The following SPIDR variants were observed in gnomAD, a reference collection of about 807,000 sequenced individuals.
SPIDR encodes scaffold protein involved in DNA repair, also known as DNA repair-scaffolding protein.
SPIDR carries 93 observed loss-of-function variants against 104.6 expected under a neutral mutation model. That is an observed-to-expected ratio of 0.89 (90% CI 0.75 to 1.06). SPIDR has a LOEUF of 1.06. Ranked by LOEUF, SPIDR falls within the 50% of genes least tolerant of loss-of-function variation. The probability of loss-of-function intolerance (pLI) is 0.00; values close to 1 mark genes in which losing one functional copy is unlikely to be tolerated. For missense variants in SPIDR, 1,154 were observed against 1,111.2 expected (o/e 1.04, Z -0.55); for synonymous variants, 431 against 416.9 (o/e 1.03, Z -0.41).
chr8:47,342,562 C>G (rs781898057), intron 5 of SPIDR, among the ~76,000 whole-genome samples: 2 of 152,020 alleles, frequency 1.3e-5, no homozygotes, highest in Non-Finnish European at 2.9e-5. Context: ...GTTTCGAACT[C>G]TTGACCTCAG....
intron 8 of SPIDR, among the ~76,000 whole-genome samples, chr8:47,592,922 T>G (rs1243404735): frequency 3.3e-5 from 5 of 152,180 alleles, no homozygotes; most frequent in African/African-American, 1.2e-4. Context: ...GTTTTGCTTT[T>G]GTTGCCCGGG....
chr8:47,318,918 C>T (rs2045956720), intron 5 of SPIDR, among the ~76,000 whole-genome samples: 1 of 148,050 alleles, frequency 6.8e-6, no homozygotes, highest in Admixed American at 6.8e-5. Flanking sequence ...ACCACCAGGC[C>T]TGCCCTAAAA....
At chr8:47,610,995 G>T (rs2063530772) in intron 10 of SPIDR, among the ~76,000 whole-genome samples, 1 of 152,174 alleles carries the variant, frequency 6.6e-6, no homozygotes. Context: ...GAGGTCAGGG[G>T]CTGTGACTCA....
intron 5 of SPIDR, among the ~76,000 whole-genome samples, chr8:47,321,811 C>A (rs1351908911): frequency 2.0e-5 from 3 of 152,158 alleles, no homozygotes; most frequent in Non-Finnish European, 4.4e-5. Flanking sequence ...ACCATCTGAT[C>A]TTTGACAAAC....
chr8:47,694,770 G>T (rs1337603852), intron 11 of SPIDR, among the ~76,000 whole-genome samples: 1 of 151,832 alleles, frequency 6.6e-6, no homozygotes. Flanking sequence ...TATATTTGGG[G>T]TGTGTGTATG....
chr8:47,691,349 G>A (rs2078627398), intron 11 of SPIDR, among the ~76,000 whole-genome samples: 1 of 150,530 alleles, frequency 6.6e-6, no homozygotes, highest in African/African-American at 2.4e-5. Flanking sequence ...CTGAAATTCA[G>A]TGAACTTGCT....
At chr8:47,433,907 G>T (rs1554690635) in intron 7 of SPIDR, among the ~76,000 whole-genome samples, 1 of 114 alleles carries the variant, frequency 8.8e-3, no homozygotes, top group Admixed American at 0.071. Flanking sequence ...GTAGAGCAGG[G>T]TATACACCTT....
intron 8 of SPIDR, among the ~76,000 whole-genome samples, chr8:47,582,896 A>G (rs907818985): frequency 6.7e-5 from 10 of 149,988 alleles, no homozygotes; most frequent in Non-Finnish European, 1.5e-5. Context: ...TCCACCAGAC[A>G]CACACACACA....
At chr8:47,406,255 A>G (rs1554667238) in intron 6 of SPIDR, among the ~76,000 whole-genome samples, 1 of 152,198 alleles carries the variant, frequency 6.6e-6, no homozygotes, top group African/African-American at 2.4e-5. Context: ...ATCAAGACTA[A>G]GAGTTTGAAC....
chr8:47,439,516 T>C (rs782806512), intron 7 of SPIDR, among the ~76,000 whole-genome samples: 39 of 152,240 alleles, frequency 2.6e-4, no homozygotes, highest in Non-Finnish European at 4.4e-4. Context: ...TTCTGATTTA[T>C]GCTGGGTGCA....
At chr8:47,484,012 A>T (rs1401861382) in intron 8 of SPIDR, among the ~76,000 whole-genome samples, 2 of 152,152 alleles carry the variant, frequency 1.3e-5, no homozygotes, top group East Asian at 1.9e-4. Flanking sequence ...ATGCATCTTT[A>T]TCAAGTTAGC....
intron 16 of SPIDR, among the ~76,000 whole-genome samples, chr8:47,718,228 T>C (rs2082854576): frequency 6.6e-6 from 1 of 152,182 alleles, no homozygotes; most frequent in African/African-American, 2.4e-5. Flanking sequence ...GGGCATCATA[T>C]CAGTCACATA....
At chr8:47,545,120 T>TTTCTTTCC (rs1491374574) in intron 8 of SPIDR, among the ~76,000 whole-genome samples, 1 of 90,208 alleles carries the variant, frequency 1.1e-5, no homozygotes, top group Non-Finnish European at 2.3e-5. Context: ...TCTTTCTTTC[T>TTTCTTTCC]TTTTTTTTTT....
At chr8:47,480,144 C>T (rs1204977155) in intron 8 of SPIDR, among the ~76,000 whole-genome samples, 2 of 152,200 alleles carry the variant, frequency 1.3e-5, no homozygotes, top group African/African-American at 4.8e-5. Flanking sequence ...TGAGAGCCTG[C>T]CTAAGTTCGA....
At chr8:47,266,140 T>C (rs2033955521) in intron 1 of SPIDR, among the ~76,000 whole-genome samples, 2 of 150,832 alleles carry the variant, frequency 1.3e-5, no homozygotes, top group Non-Finnish European at 3.0e-5. Context: ...TTTTTTTTTT[T>C]TTTTTTTGAG....
chr8:47,485,871 A>G (rs1322996625), intron 8 of SPIDR, among the ~76,000 whole-genome samples: 16 of 152,212 alleles, frequency 1.1e-4, no homozygotes, highest in Admixed American at 9.8e-4. Flanking sequence ...ATCAAAGACC[A>G]AAGGTAGATA....
chr8:47,634,281 G>A (rs1437468443), intron 10 of SPIDR, among the ~76,000 whole-genome samples: 2 of 151,910 alleles, frequency 1.3e-5, no homozygotes, highest in East Asian at 1.9e-4. Context: ...GTGAAACCCC[G>A]TCTCTACTAA....
chr8:47,677,087 C>G (rs973782822), intron 11 of SPIDR, among the ~76,000 whole-genome samples: 2 of 152,230 alleles, frequency 1.3e-5, no homozygotes, highest in African/African-American at 4.8e-5. Flanking sequence ...GCAGAACATG[C>G]AGCATGGCCT....
intron 5 of SPIDR, among the ~76,000 whole-genome samples, chr8:47,331,970 T>A: frequency 1.5e-5 from 1 of 64,682 alleles, no homozygotes; most frequent in African/African-American, 9.2e-5. Flanking sequence ...TTAAACTTTT[T>A]TTTTTTTTTT....
Sources: gnomAD v4.1 joint callset for allele counts (sites outside exome capture counted in the v4.1 genomes callset) on GRCh38, gnomAD v4.1.1 for gene constraint, MANE v1.5 for transcripts, NCBI Gene and HGNC (gene_info 2026-07-23, HGNC 2026-07-21) for gene names.